TONSL: variants seen among roughly 807,000 people sequenced by gnomAD.
The protein encoded by TONSL is tonsoku like, DNA repair protein, also known as tonsoku-like protein.
In TONSL, 112 loss-of-function variants were observed where a neutral mutation model predicts 147.1. The ratio of observed to expected loss-of-function variants is 0.76; its 90% CI spans 0.65 to 0.89. TONSL has a LOEUF of 0.89. Among genes scored for constraint, TONSL ranks in the 40% least tolerant of loss-of-function variants. TONSL has a pLI of 0.00. For missense variants in TONSL, 1,883 were observed against 1,864.6 expected (o/e 1.01, Z -0.18); for synonymous variants, 868 against 801.5 (o/e 1.08, Z -1.40).
chr8:144,438,880 G>A, intron 11 of TONSL, 145 bp from the exon 12 acceptor site: 2 of 810,284 alleles, frequency 2.5e-6, no homozygotes, highest in Non-Finnish European at 2.0e-6. Context: ...GGCTCTGGGG[G>A]CTCCTCAGCA....
intron 22 of TONSL, chr8:144,433,283 A>G (rs964675137): frequency 6.0e-5 from 16 of 267,210 alleles, no homozygotes; most frequent in Admixed American, 1.5e-4. Context: ...TCACCGTGTT[A>G]GCCAGGATGG....
Position 144,440,978 on chromosome 8 carries a change from A to C in TONSL, c.999T>G (p.Ala333=). 1 of 1,613,124 alleles carries C rather than the reference A, an allele frequency of 6.2e-7. No homozygotes were observed. The highest frequency in any genetic ancestry group is 1.3e-5 in the African/African-American group (1 of 75,040). Residue 333 remains alanine, a synonymous_variant, in exon 8 of 26, where the codon GCT becomes GCG. Transcript: ENST00000409379. The part of the protein sequence containing the change: ...KAGDFPRAAE[A]YQKQLRFAEL... ...CGGGGCCACACACCTGCTTCTGGTA[A>C]GCCTCAGCTGCCCTGGGAAAGTCTC...
In TONSL at chr8:144,435,925, C is replaced by A. The variant is rs1462768482; in HGVS notation, c.2508G>T (p.Leu836=). 1.0e-5 allele frequency: 16 copies of A among 1,578,588 alleles called. No individual in the cohort carries two copies. Among genetic ancestry groups the A allele is most frequent in the Non-Finnish European group, 1.3e-5 (15 of 1,159,148 alleles). The change falls in exon 17 of 26, where the codon CTG becomes CTT. Residue 836 remains leucine (L), a synonymous_variant. Coordinates refer to ENST00000409379, the MANE Select transcript of TONSL (RefSeq NM_013432.5). ...TGCGGGTCAGGGGCATGTCCAGCTC[C>A]AGCCAGTCCCCGGCCAGGCACTCCT... is the stretch of plus-strand genomic sequence containing the variant. ...PEEECLAGDW[L]ELDMPLTRSR... is the part of the protein sequence containing the mutation.
rs2129706810 is a variant in TONSL at position 144,444,374 on chromosome 8, T to A, written c.25+16A>T. On this transcript the variant is annotated intron_variant, in intron 1 of 25. Transcript: ENST00000409379. ...GCCTCCGCGCCCCCGGAGGAAGGGG[T>A]CCCCGAGGAACTTACGGCGAAGCTC... The A allele has an allele frequency of 6.3e-6, 8 of 1,279,396 alleles. No individual in the cohort carries two copies. The highest frequency in any genetic ancestry group is 7.9e-6 in the Non-Finnish European group (8 of 1,010,986). 79.3% of individuals were successfully genotyped at this position (1,279,396 alleles called of 1,614,324 possible). A position where few individuals can be genotyped will look rare whatever the true frequency, so the allele number is the denominator to read the frequency against.
rs762811942 is a variant in TONSL, at chr8:144,434,994, T to TC, written c.3006+22dup. Reference sequence around the variant, plus strand: ...GGCTCCCGGTGCCTGAGGCCCTGGCTCCCCCTCCGCTCTGCGGCTCACCTC... The same window carrying TC: ...GGCTCCCGGTGCCTGAGGCCCTGGCTCCCCCCTCCGCTCTGCGGCTCACCTC... On this transcript the variant is annotated intron_variant, in intron 19 of 25. Coordinates refer to ENST00000409379, the MANE Select transcript of TONSL (RefSeq NM_013432.5). 2.3e-5 allele frequency: 37 copies of TC among 1,611,586 alleles called. No individual in the cohort carries two copies. The Admixed American group carries it at 5.3e-4, about 23-fold the overall frequency.
At chr8:144,443,704 C>T (rs909325966) in intron 3 of TONSL, among the ~76,000 whole-genome samples, 178 bp downstream of exon 3, 1 of 152,250 alleles carries the variant, frequency 6.6e-6, no homozygotes, top group African/African-American at 2.4e-5. Context: ...GCCCCAGTCC[C>T]AGGAAAGGCT....
chr8:144,433,820 G>A (rs1039109320), intron 21 of TONSL, 61 bp from the exon 22 acceptor site: 1 of 1,505,308 alleles, frequency 6.6e-7, no homozygotes, highest in African/African-American at 1.4e-5. Flanking sequence ...GTCCCCCTTG[G>A]GGCTTGGCTT....
chr8:144,438,246 AG>A, intron 13 of TONSL: 1 of 591,950 alleles, frequency 1.7e-6, no homozygotes, highest in Non-Finnish European at 3.0e-6. Flanking sequence ...TGTGTTGCCC[AG>A]GCTGGAGTGC....
At chr8:144,439,067 C>A (rs573942538) in intron 11 of TONSL, among the ~76,000 whole-genome samples, 4 of 152,256 alleles carry the variant, frequency 2.6e-5, no homozygotes, top group Non-Finnish European at 2.9e-5. Flanking sequence ...CTCATCCCCA[C>A]GCCCAGACCG....
Position 144,441,028 on chromosome 8 carries a change from G to A in TONSL, c.949C>T (p.Leu317=). The A allele has an allele frequency of 5.6e-6, 9 of 1,613,114 alleles. No individual in the cohort carries two copies. The highest frequency in any genetic ancestry group is 6.8e-6 in the Non-Finnish European group (8 of 1,180,006). ...PQGAMVICEQ[L]GDLFSKAGDF... is the part of the protein sequence containing the mutation. ...CCTGCCTTGGAGAAGAGGTCCCCTA[G>A]CTGCTCACAGATGACCATGGCACCC... The change falls in exon 8 of 26, where the codon CTA becomes TTA. Residue 317 remains leucine (L), a synonymous_variant. Transcript: ENST00000409379.
Position 144,436,846 on chromosome 8 carries a change from G to A in TONSL, c.1801C>T (p.Pro601Ser), listed in dbSNP as rs1359472212. Reference sequence around the variant, plus strand: ...CCACAGTTGAGGGCATCGTGGAGGGGGGTGATGCCTTCGCAGCCCTGGCCA... The same window carrying A: ...CCACAGTTGAGGGCATCGTGGAGGGAGGTGATGCCTTCGCAGCCCTGGCCA... ...PGGQGCEGIT[P>S]LHDALNCGHF... Residue 601 changes from proline (P) to serine (S), a missense_variant, in exon 15 of 26, where the codon CCC becomes TCC. Transcript: ENST00000409379. 6.2e-7 allele frequency: 1 copy of A among 1,610,808 alleles called. No individual in the cohort carries two copies. The highest frequency in any genetic ancestry group is 8.5e-7 in the Non-Finnish European group (1 of 1,179,908).
chr8:144,435,781 C>T lies in TONSL; in HGVS notation c.2652G>A (p.Met884Ile). 6.2e-7 allele frequency: 1 copy of T among 1,612,928 alleles called. No individual in the cohort carries two copies. Among genetic ancestry groups the T allele is most frequent in the Non-Finnish European group, 8.5e-7 (1 of 1,179,932 alleles). The change falls in exon 17 of 26, where the codon ATG becomes ATA. Residue 884 changes from methionine to isoleucine, a missense_variant. By Grantham distance (10) the Met-to-Ile change is conservative. Coordinates refer to ENST00000409379, the MANE Select transcript of TONSL (RefSeq NM_013432.5). ...ARAKQVRLTC[M>I]QSCSAPVNAG... The stretch of plus-strand genomic sequence containing the variant: ...CGTTAACTGGCGCACTGCAACTCTG[C>T]ATGCAGGTCAGGCGGACCTGCTTGG...
chr8:144,431,488 A>G (rs1231866955), intron 23 of TONSL, among the ~76,000 whole-genome samples: 2 of 152,058 alleles, frequency 1.3e-5, no homozygotes, highest in Non-Finnish European at 2.9e-5. Context: ...GCAGCTGTAC[A>G]AAAGCATTCC....
In TONSL at chr8:144,436,893, C is replaced by A; in HGVS notation, c.1754G>T (p.Gly585Val). ...GCCACCTGGGTCGTCCACTGCGGCC[C>A]CGTGGTCCAGCAGGAAGCGGACAAT... ...LEIVRFLLDH[G>V]AAVDDPGGQG... Residue 585 changes from glycine to valine, a missense_variant, in exon 15 of 26, where the codon GGG becomes GTG. Coordinates refer to ENST00000409379, the MANE Select transcript of TONSL (RefSeq NM_013432.5). The A allele has an allele frequency of 6.2e-7, 1 of 1,608,804 alleles. No homozygotes were observed.
chr8:144,436,518 TA>T, intron 16 of TONSL, 39 bp downstream of exon 16: 1 of 1,598,024 alleles, frequency 6.3e-7, no homozygotes, highest in Non-Finnish European at 8.5e-7. Flanking sequence ...ACTCTCAGCG[TA>T]GGCACAGCAA....
At position 144,431,090 on chromosome 8, in the gene TONSL, C is replaced by CT. The variant is rs782733226; in HGVS notation, c.3796dup (p.Arg1266LysfsTer23). On this transcript the variant is annotated frameshift_variant, in exon 24 of 26. Coordinates refer to ENST00000409379, the MANE Select transcript of TONSL (RefSeq NM_013432.5). LOFTEE classifies it high-confidence loss of function. ...GAAAGGGCGTTACCTGCACAGGTCT[C>CT]TAACAGCCTTGTCCCCCAGGTGGTT... is the stretch of plus-strand genomic sequence containing the variant. The CT allele has an allele frequency of 1.9e-6, 3 of 1,614,186 alleles. No homozygotes were observed. Among genetic ancestry groups the CT allele is most frequent in the Non-Finnish European group, 2.5e-6 (3 of 1,180,010 alleles).
At position 144,436,114 on chromosome 8, in the gene TONSL, C is replaced by T. The variant is rs540515318; in HGVS notation, c.2319G>A (p.Thr773=). The T allele has an allele frequency of 1.8e-5, 28 of 1,556,660 alleles. No homozygotes were observed. The Admixed American group carries it at 3.9e-4, about 22-fold the overall frequency. The change falls in exon 17 of 26, where the codon ACG becomes ACA. Residue 773 remains threonine, a synonymous_variant. Coordinates refer to ENST00000409379, the MANE Select transcript of TONSL (RefSeq NM_013432.5). The part of the protein sequence containing the change: ...SATAQRVAAW[T]PGPASNREAA... ...CTTCCCTGTTGCTGGCGGGGCCAGG[C>T]GTCCAGGCTGCCACCCGTTGTGCTG...
chr8:144,432,405 G>A lies in TONSL; in HGVS notation c.3615C>T (p.Ala1205=), dbSNP rs782206466. ...SLSYNALGAP[A]LARTLQSLPA... Reference sequence around the variant, plus strand: ...GCAGGCTCTGCAGGGTCCTGGCCAGGGCAGGGGCTCCCAGGGCGTTGTAGG... The same window carrying A: ...GCAGGCTCTGCAGGGTCCTGGCCAGAGCAGGGGCTCCCAGGGCGTTGTAGG... Residue 1205 remains alanine (A), a synonymous_variant, in exon 23 of 26, where the codon GCC becomes GCT. Transcript: ENST00000409379. 1.3e-6 allele frequency: 2 copies of A among 1,593,712 alleles called. No homozygotes were observed. The highest frequency in any genetic ancestry group is 2.2e-5 in the East Asian group (1 of 44,474).
In TONSL at chr8:144,430,389, C is replaced by T; in HGVS notation, c.3943+15G>A. 1 of 1,581,760 alleles carries T rather than the reference C, an allele frequency of 6.3e-7. No homozygotes were observed. Among genetic ancestry groups the T allele is most frequent in the Non-Finnish European group, 8.6e-7 (1 of 1,164,724 alleles). On this transcript the variant is annotated intron_variant, in intron 25 of 25. Transcript: ENST00000409379. The stretch of plus-strand genomic sequence containing the variant: ...GGCCGAACATGGCAGGCGTGGCCAC[C>T]ATACCAGCACTCACCTGACAGGCCA...
Sources: allele counts gnomAD v4.1 joint callset (sites outside exome capture counted in the v4.1 genomes callset), GRCh38; gene constraint gnomAD v4.1.1; transcripts MANE v1.5; gene names NCBI Gene and HGNC (gene_info 2026-07-23, HGNC 2026-07-21).